ALX4: variants seen among roughly 807,000 people sequenced by gnomAD.
ALX4 encodes homeobox protein aristaless-like 4.
A neutral mutation model predicts 40.6 loss-of-function variants in ALX4; 22 were observed. The ratio of observed to expected loss-of-function variants is 0.54; its 90% CI spans 0.39 to 0.77. The LOEUF (loss-of-function observed/expected upper bound fraction) is 0.77, where lower values mean the gene tolerates loss of function less well. ALX4 is among the 30% of genes least tolerant of loss of function. The pLI is 0.00. For synonymous variants in ALX4, 266 were observed against 240.5 expected (o/e 1.11, Z -0.98); for missense variants, 556 against 564.8 (o/e 0.98, Z 0.16).
intron 1 of ALX4, among the ~76,000 whole-genome samples, chr11:44,286,180 A>G (rs906355834): frequency 1.3e-5 from 2 of 152,096 alleles, no homozygotes; most frequent in African/African-American, 2.4e-5. Flanking sequence ...GGAAGAAGGG[A>G]CCTTTCAGGA....
intron 1 of ALX4, among the ~76,000 whole-genome samples, chr11:44,285,997 T>A (rs1229337216): frequency 6.6e-6 from 1 of 152,198 alleles, no homozygotes; most frequent in Non-Finnish European, 1.5e-5. Context: ...TGAGGGAGAC[T>A]CCTCTGGGCT....
intron 1 of ALX4, among the ~76,000 whole-genome samples, chr11:44,294,805 A>C (rs1413888142): frequency 1.3e-5 from 2 of 151,544 alleles, no homozygotes; most frequent in African/African-American, 4.9e-5. Flanking sequence ...ACTATGCTCC[A>C]GGAACTGTTC....
chr11:44,269,854 C>T (rs1009733074), intron 2 of ALX4, among the ~76,000 whole-genome samples: 6 of 152,238 alleles, frequency 3.9e-5, no homozygotes, highest in Admixed American at 6.5e-5. Flanking sequence ...GCAGGCTTAG[C>T]TCCGTCTTTC....
chr11:44,309,841 C>T lies in ALX4; in HGVS notation c.222G>A (p.Ala74=). The T allele has an allele frequency of 6.4e-7, 1 of 1,556,456 alleles. No homozygotes were observed. The highest frequency in any genetic ancestry group is 8.7e-7 in the Non-Finnish European group (1 of 1,149,708). The stretch of plus-strand genomic sequence containing the variant: ...CCCCAGCTCCACTCTCCAGGGGTGT[C>T]GCCAGGTCCTGCTGCCCAGCGCCGT... ...ARYGAGQQDL[A]TPLESGAGAR... Residue 74 remains alanine (A), a synonymous_variant, in exon 1 of 4, where the codon GCG becomes GCA. Coordinates refer to ENST00000652299, the MANE Select transcript of ALX4 (RefSeq NM_021926.4).
At position 44,309,893 on chromosome 11, in the gene ALX4, A is replaced by C. The variant is rs1010707471; in HGVS notation, c.170T>G (p.Phe57Cys). The change falls in exon 1 of 4, where the codon TTC (phenylalanine) becomes TGC (cysteine). Residue 57 changes from phenylalanine (F) to cysteine (C), a missense_variant. Transcript: ENST00000652299. ...FLSAAAKAQG[F>C]GDAKSRARYG... Reference sequence around the variant, plus strand: ...ACGGGCCCGGCTCTTGGCGTCCCCGAATCCCTGTGCTTTGGCGGCGGCCGA... The same window carrying C: ...ACGGGCCCGGCTCTTGGCGTCCCCGCATCCCTGTGCTTTGGCGGCGGCCGA... 1 of 1,583,012 alleles carries C rather than the reference A, an allele frequency of 6.3e-7. No homozygotes were observed. The highest frequency in any genetic ancestry group is 1.3e-5 in the African/African-American group (1 of 74,160).
intron 1 of ALX4, among the ~76,000 whole-genome samples, chr11:44,305,436 C>G (rs960004580): frequency 6.6e-6 from 1 of 152,214 alleles, no homozygotes; most frequent in Non-Finnish European, 1.5e-5. Context: ...AACAGTCGCC[C>G]CTTCCTGAGC....
Position 44,263,251 on chromosome 11 carries a change from G to A in ALX4, c.*1603C>T, listed in dbSNP as rs1956192814. ...AATCAAGGGAGAAGGTAGAAAAGGC[G>A]AGCGCTTCAATGCGGGGCGCTGCCT... is the stretch of plus-strand genomic sequence containing the variant. On this transcript the variant is annotated 3_prime_UTR_variant, in exon 4 of 4. Coordinates refer to ENST00000652299, the MANE Select transcript of ALX4 (RefSeq NM_021926.4). 1 of 152,318 alleles carries A rather than the reference G, an allele frequency of 6.6e-6. No homozygotes were observed. Among genetic ancestry groups the A allele is most frequent in the South Asian group, 2.1e-4 (1 of 4,832 alleles). The allele number at this position is 152,318 out of a possible 1,614,324, so 9.4% of individuals were successfully genotyped here.
In ALX4 at chr11:44,275,511, G is replaced by A. The variant is rs866675365; in HGVS notation, c.614C>T (p.Ala205Val). ...SSDLPSPLEKADSESNKGKKR... is the reference protein window; with the variant it reads ...SSDLPSPLEKVDSESNKGKKR... ...CTTGCCCTTGTTGCTCTCTGAGTCG[G>A]CCTTCTCCAATGGGCTGGGGAGGTC... The change falls in exon 2 of 4, where the codon GCC becomes GTC. Residue 205 changes from alanine (A) to valine (V), a missense_variant. Physicochemically the swap from Ala to Val is moderately conservative, Grantham distance 64. Coordinates refer to ENST00000652299, the MANE Select transcript of ALX4 (RefSeq NM_021926.4). 5 of 1,614,054 alleles carry A rather than the reference G, an allele frequency of 3.1e-6. No homozygotes were observed. Among genetic ancestry groups the A allele is most frequent in the Non-Finnish European group, 4.2e-6 (5 of 1,179,900 alleles).
At chr11:44,288,687 C>A (rs1449999819) in intron 1 of ALX4, among the ~76,000 whole-genome samples, 1 of 152,138 alleles carries the variant, frequency 6.6e-6, no homozygotes, top group Non-Finnish European at 1.5e-5. Context: ...CCACTGTGAC[C>A]CAATTAGAAC....
intron 2 of ALX4, among the ~76,000 whole-genome samples, chr11:44,270,886 G>T (rs1564999896): frequency 6.6e-6 from 1 of 152,156 alleles, no homozygotes; most frequent in African/African-American, 2.4e-5. Flanking sequence ...CCAGGGCGGG[G>T]TGGCCCAGGG....
At chr11:44,305,521 G>T (rs190976584) in intron 1 of ALX4, among the ~76,000 whole-genome samples, 97 of 152,304 alleles carry the variant, frequency 6.4e-4, no homozygotes, top group Admixed American at 4.9e-3. Context: ...TGCTTCTGTC[G>T]GGTTTTCGTT....
chr11:44,278,291 G>A (rs10742700), intron 1 of ALX4, among the ~76,000 whole-genome samples: 37,858 of 152,120 alleles, frequency 0.25, 4,871 homozygotes, highest in East Asian at 0.35. Flanking sequence ...AGAGAGAAGG[G>A]AACATGCCCC....
intron 2 of ALX4, among the ~76,000 whole-genome samples, chr11:44,271,345 C>T (rs1346323817): frequency 1.3e-5 from 2 of 152,230 alleles, no homozygotes; most frequent in Admixed American, 1.3e-4. Flanking sequence ...AGTCGCAGTG[C>T]TGCTACTGAG....
In ALX4 at chr11:44,261,815, CT is replaced by C. The variant is rs1471615159; in HGVS notation, c.*3038del. Reference sequence around the variant, plus strand: ...CAAAGGAAATCCTCACCTCTCTTAGCTTATTCGCATAGCAATGAACCACGTG... The same window carrying C: ...CAAAGGAAATCCTCACCTCTCTTAGCTATTCGCATAGCAATGAACCACGTG... On this transcript the variant is annotated 3_prime_UTR_variant, in exon 4 of 4. Coordinates refer to ENST00000652299, the MANE Select transcript of ALX4 (RefSeq NM_021926.4). 2 of 152,290 alleles carry C rather than the reference CT, an allele frequency of 1.3e-5. No individual in the cohort carries two copies. The highest frequency in any genetic ancestry group is 2.4e-5 in the African/African-American group (1 of 41,474). 9.4% of individuals were successfully genotyped at this position (152,290 alleles called of 1,614,324 possible). A position where few individuals can be genotyped will look rare whatever the true frequency, so the allele number is the denominator to read the frequency against.
chr11:44,295,068 C>T (rs1256574281), intron 1 of ALX4, among the ~76,000 whole-genome samples: 1 of 152,092 alleles, frequency 6.6e-6, no homozygotes, highest in Non-Finnish European at 1.5e-5. Flanking sequence ...CCAGGCTGGT[C>T]TCAAACTCCT....
chr11:44,292,714 G>A (rs1956377109), intron 1 of ALX4, among the ~76,000 whole-genome samples: 1 of 152,112 alleles, frequency 6.6e-6, no homozygotes, highest in South Asian at 2.1e-4. Flanking sequence ...GGAGTAGATG[G>A]GTTCCCAGGA....
rs868747587 is a variant in ALX4 at position 44,271,404 on chromosome 11, T to G, written c.778-3782A>C. Reference sequence around the variant, plus strand: ...TGACTTCCCACCTATGGGCCTCTTCTTCCTCGTCTATCAAATGGGAAGATG... The same window carrying G: ...TGACTTCCCACCTATGGGCCTCTTCGTCCTCGTCTATCAAATGGGAAGATG... On this transcript the variant is annotated intron_variant, in intron 2 of 3. Transcript: ENST00000652299. Among the ~76,000 whole-genome samples the G allele has an allele frequency of 6.6e-5, 10 of 152,324 alleles. No homozygotes were observed. The South Asian group carries it at 2.1e-3, about 32-fold the overall frequency.
intron 1 of ALX4, among the ~76,000 whole-genome samples, chr11:44,296,261 G>T (rs982295649): frequency 6.6e-6 from 1 of 152,202 alleles, no homozygotes; most frequent in African/African-American, 2.4e-5. Flanking sequence ...ATCCCCATAA[G>T]GAAGAATGAA....
rs897094228 is a variant in ALX4, at chr11:44,263,706, G to A, written c.*1148C>T. 3 of 152,348 alleles carry A rather than the reference G, an allele frequency of 2.0e-5. No homozygotes were observed. In the East Asian group the frequency reaches 5.8e-4, roughly 29 times the overall value. 9.4% of individuals were successfully genotyped at this position (152,348 alleles called of 1,614,324 possible). ...GGACAGTCAGTTTGAGGCCATAGCA[G>A]GGCCTGGAGGCCGAGCATGGCCACA... is the stretch of plus-strand genomic sequence containing the variant. On this transcript the variant is annotated 3_prime_UTR_variant, in exon 4 of 4. Coordinates refer to ENST00000652299, the MANE Select transcript of ALX4 (RefSeq NM_021926.4).
Sources: gnomAD v4.1 joint callset for allele counts (sites outside exome capture counted in the v4.1 genomes callset) on GRCh38, gnomAD v4.1.1 for gene constraint, MANE v1.5 for transcripts, NCBI Gene and HGNC (gene_info 2026-07-23, HGNC 2026-07-21) for gene names.